RRAS2: variants seen among roughly 807,000 people sequenced by gnomAD.
RRAS2 encodes the protein RAS related 2.
A neutral mutation model predicts 27.6 loss-of-function variants in RRAS2; 7 were observed. The observed-to-expected ratio is 0.25, with a 90% CI of 0.14 to 0.48. The LOEUF (loss-of-function observed/expected upper bound fraction) is 0.48, where lower values mean the gene tolerates loss of function less well. Ranked by LOEUF, RRAS2 falls within the 20% of genes least tolerant of loss-of-function variation. The probability of loss-of-function intolerance (pLI) is 0.99; values close to 1 mark genes in which losing one functional copy is unlikely to be tolerated. For synonymous variants in RRAS2, 86 were observed against 90.9 expected (o/e 0.95, Z 0.31); for missense variants, 178 against 256.2 (o/e 0.69, Z 2.08).
At chr11:14,319,785 C>T (rs543893191) in intron 1 of RRAS2, among the ~76,000 whole-genome samples, 26 of 152,248 alleles carry the variant, frequency 1.7e-4, no homozygotes, top group African/African-American at 6.0e-4. Flanking sequence ...AGGTGATAAA[C>T]CTACCTAAAA....
chr11:14,326,383 C>T (rs1471657121), intron 1 of RRAS2, among the ~76,000 whole-genome samples: 7 of 152,096 alleles, frequency 4.6e-5, no homozygotes, highest in Non-Finnish European at 1.0e-4. Flanking sequence ...TTACATGATG[C>T]CTAAATTTTA....
upstream of RRAS2, among the ~76,000 whole-genome samples, chr11:14,363,003 AT>A (rs1310294400): frequency 6.6e-6 from 1 of 152,206 alleles, no homozygotes. Flanking sequence ...TACAATTCAA[AT>A]TTTTTGTGTA....
At chr11:14,302,473 G>A (rs1847740960) in intron 1 of RRAS2, among the ~76,000 whole-genome samples, 1 of 152,182 alleles carries the variant, frequency 6.6e-6, no homozygotes, top group African/African-American at 2.4e-5. Flanking sequence ...CTTGCTAGCT[G>A]TTTGAGTCCT....
At chr11:14,362,526 G>A (rs1319690054), upstream of RRAS2, among the ~76,000 whole-genome samples, 2 of 151,962 alleles carry the variant, frequency 1.3e-5, no homozygotes, top group African/African-American at 4.8e-5. Context: ...ATATGGGAGA[G>A]GAAGAACTAG....
At chr11:14,298,292 TAA>T (rs1171124684) in intron 1 of RRAS2, among the ~76,000 whole-genome samples, 9 of 152,212 alleles carry the variant, frequency 5.9e-5, no homozygotes, top group African/African-American at 2.2e-4. Context: ...TGATTTGGCC[TAA>T]AATATAATAA....
At chr11:14,279,789 G>A (rs528315762) in intron 5 of RRAS2, among the ~76,000 whole-genome samples, 1 of 152,310 alleles carries the variant, frequency 6.6e-6, no homozygotes, top group South Asian at 2.1e-4. Flanking sequence ...GGTCTTATCT[G>A]TGTTCTGCCA....
At chr11:14,324,428 A>C (rs1332924073) in intron 1 of RRAS2, among the ~76,000 whole-genome samples, 1 of 132,300 alleles carries the variant, frequency 7.6e-6, no homozygotes, top group Non-Finnish European at 1.6e-5. Flanking sequence ...AACAGAGGCC[A>C]AAAAAAAAAA....
At position 14,294,868 on chromosome 11, in the gene RRAS2, G is replaced by GA; in HGVS notation, c.197-7dup. 4.3e-6 allele frequency: 7 copies of GA among 1,610,436 alleles called. No homozygotes were observed. Among genetic ancestry groups the GA allele is most frequent in the Admixed American group, 1.7e-5 (1 of 59,728 alleles). On this transcript the variant is annotated splice_region_variant and splice_polypyrimidine_tract_variant and intron_variant, in intron 2 of 5. Transcript: ENST00000256196. ...TTGTCCTGCTGTATCCAAAACTAAA[G>GA]AAAAAACAACAAATGTAATTATACT...
chr11:14,312,028 C>T (rs943832325), intron 1 of RRAS2, among the ~76,000 whole-genome samples: 2 of 152,122 alleles, frequency 1.3e-5, no homozygotes, highest in Admixed American at 6.5e-5. Context: ...CCACACCTGG[C>T]TAATTTTTGT....
chr11:14,324,167 A>G (rs1275381519), intron 1 of RRAS2, among the ~76,000 whole-genome samples: 1 of 152,028 alleles, frequency 6.6e-6, no homozygotes, highest in African/African-American at 2.4e-5. Flanking sequence ...TCTGCACAGG[A>G]AACAATATAC....
At chr11:14,337,728 C>G (rs2349297) in intron 1 of RRAS2, among the ~76,000 whole-genome samples, 128,565 of 152,052 alleles carry the variant, frequency 0.85, 54,666 homozygotes, top group South Asian at 0.92. Flanking sequence ...CAGGCATCTG[C>G]GGGGGTTGAA....
Position 14,340,459 on chromosome 11 carries a change from CAA to C in RRAS2, c.108+18302_108+18303del, listed in dbSNP as rs144418976. ...ACCAAACTACCAAGAGCCCTTTACA[CAA>C]AAAAGTTTAAGAATCCCTACATTAA... is the stretch of plus-strand genomic sequence containing the variant. On this transcript the variant is annotated intron_variant, in intron 1 of 5. Transcript: ENST00000256196. Among the ~76,000 whole-genome samples the C allele has an allele frequency of 6.1e-3, 921 of 151,994 alleles. 8 individuals carry two copies. The highest frequency in any genetic ancestry group is 0.021 in the African/African-American group (883 of 41,460).
chr11:14,279,736 C>T (rs1281513072), intron 5 of RRAS2, among the ~76,000 whole-genome samples: 5 of 152,160 alleles, frequency 3.3e-5, no homozygotes, highest in African/African-American at 1.2e-4. Context: ...AATAAAGATT[C>T]ATCATTAGAG....
chr11:14,283,614 T>C (rs1849597117), intron 4 of RRAS2, among the ~76,000 whole-genome samples: 1 of 152,200 alleles, frequency 6.6e-6, no homozygotes, highest in South Asian at 2.1e-4. Context: ...TTATCTTTTT[T>C]TTTCCCTTGA....
intron 1 of RRAS2, among the ~76,000 whole-genome samples, chr11:14,301,709 T>C (rs550847027): frequency 6.6e-6 from 1 of 152,308 alleles, no homozygotes; most frequent in African/African-American, 2.4e-5. Context: ...CCAGGCATGG[T>C]GGCTCAGGCC....
At position 14,281,610 on chromosome 11, in the gene RRAS2, C is replaced by T. The variant is rs112059427; in HGVS notation, c.519G>A (p.Arg173=). ...NVDQAFHELV[R]VIRKFQEQEC... is the part of the protein sequence containing the mutation. ...GAATGTGTTTTGCTTACCTGATAACCCGGACAAGTTCATGGAAAGCTTGAT... is the reference window on the plus strand; with the variant it reads ...GAATGTGTTTTGCTTACCTGATAACTCGGACAAGTTCATGGAAAGCTTGAT... Residue 173 remains arginine (R), a synonymous_variant, in exon 5 of 6, where the codon CGG becomes CGA. Transcript: ENST00000256196. The T allele has an allele frequency of 7.5e-6, 12 of 1,597,478 alleles. No individual in the cohort carries two copies. The African/African-American group carries it at 1.5e-4, about 20-fold the overall frequency.
At chr11:14,307,312 G>A (rs1460929105) in intron 1 of RRAS2, among the ~76,000 whole-genome samples, 1 of 151,884 alleles carries the variant, frequency 6.6e-6, no homozygotes, top group East Asian at 1.9e-4. Context: ...TGACTATGAA[G>A]CATCTCAATT....
intron 1 of RRAS2, among the ~76,000 whole-genome samples, chr11:14,334,457 A>G (rs934679406): frequency 6.6e-6 from 1 of 152,108 alleles, no homozygotes; most frequent in Non-Finnish European, 1.5e-5. Flanking sequence ...AGTTATATAT[A>G]TAATTCTGAT....
chr11:14,335,566 TACA>T (rs1162524974), intron 1 of RRAS2, among the ~76,000 whole-genome samples: 1 of 152,280 alleles, frequency 6.6e-6, no homozygotes, highest in South Asian at 2.1e-4. Context: ...AAACATCAAT[TACA>T]ACATTACTTA....
Sources: allele counts gnomAD v4.1 joint callset (sites outside exome capture counted in the v4.1 genomes callset), GRCh38; gene constraint gnomAD v4.1.1; transcripts MANE v1.5; gene names NCBI Gene and HGNC (gene_info 2026-07-23, HGNC 2026-07-21).